Variants in EPB41L4A observed in about 807,000 individuals in gnomAD.
EPB41L4A encodes the protein erythrocyte membrane protein band 4.1 like 4A.
EPB41L4A carries 100 observed loss-of-function variants against 108.6 expected under a neutral mutation model. The ratio of observed to expected loss-of-function variants is 0.92; its 90% confidence interval spans 0.78 to 1.09. The LOEUF is 1.09. Among genes scored for constraint, EPB41L4A ranks in the 50% least tolerant of loss-of-function variants. The pLI, the probability that EPB41L4A is intolerant of heterozygous loss-of-function variation, is 0.00. For missense variants in EPB41L4A, 1,030 were observed against 842.7 expected, an observed-to-expected ratio of 1.22 and a Z score of -2.75; for synonymous variants, 319 against 289.0, an observed-to-expected ratio of 1.10 and a Z score of -1.05.
chr5:112,333,609 T>C (rs1756721959), intron 1 of EPB41L4A, among the ~76,000 whole-genome samples: 1 of 152,198 alleles, frequency 6.6e-6, no homozygotes, highest in South Asian at 2.1e-4. Context: ...TCTCTGGTCC[T>C]GTTTTCTCCC....
intron 15 of EPB41L4A, chr5:112,196,713 A>C (rs141171115): frequency 2.0e-5 from 3 of 152,370 alleles, no homozygotes; most frequent in East Asian, 3.9e-4. Flanking sequence ...GATCAGTCCT[A>C]AACAGCTGGC....
intron 1 of EPB41L4A, among the ~76,000 whole-genome samples, chr5:112,344,367 CA>C (rs984504687): frequency 2.4e-4 from 36 of 152,108 alleles, no homozygotes; most frequent in Non-Finnish European, 3.2e-4. Flanking sequence ...CATTAATTTA[CA>C]ATGACCAGGA....
At chr5:112,222,824 G>C (rs1382565171) in intron 12 of EPB41L4A, among the ~76,000 whole-genome samples, 3 of 152,128 alleles carry the variant, frequency 2.0e-5, no homozygotes, top group African/African-American at 7.2e-5. Flanking sequence ...GAAGAGAGGA[G>C]CAAGTCCACT....
chr5:112,310,993 C>T lies in EPB41L4A; in HGVS notation c.100-3503G>A, dbSNP rs542670425. Among the ~76,000 whole-genome samples the T allele has an allele frequency of 2.5e-4, 38 of 152,252 alleles. 1 individual carries two copies. In the South Asian group the frequency reaches 3.9e-3, roughly 16 times the overall value. ...TGACAAGCAGTAGAAATGACTGATT[C>T]CTGAGTCAGATTTTCCAGCATTCTT... On this transcript the variant is annotated intron_variant, in intron 1 of 22. Coordinates refer to ENST00000261486, the MANE Select transcript of EPB41L4A (RefSeq NM_022140.5).
chr5:112,373,990 A>G (rs1759652295), intron 1 of EPB41L4A, among the ~76,000 whole-genome samples: 1 of 152,266 alleles, frequency 6.6e-6, no homozygotes, highest in Non-Finnish European at 1.5e-5. Flanking sequence ...GTGGTAAAAG[A>G]GAGCAACTCA....
At chr5:112,319,534 C>T (rs570938578) in intron 1 of EPB41L4A, among the ~76,000 whole-genome samples, 1 of 152,160 alleles carries the variant, frequency 6.6e-6, no homozygotes, top group South Asian at 2.1e-4. Flanking sequence ...GATGAACCAA[C>T]AACAGCAAAA....
At chr5:112,217,811 C>T (rs11952407) in intron 12 of EPB41L4A, among the ~76,000 whole-genome samples, 6,143 of 152,054 alleles carry the variant, frequency 0.04, 427 homozygotes, top group African/African-American at 0.14. Context: ...ACTGCAAGAT[C>T]AAAGAAGGCA....
intron 1 of EPB41L4A, among the ~76,000 whole-genome samples, chr5:112,389,662 T>C (rs904854573): frequency 4.3e-4 from 66 of 152,356 alleles, no homozygotes; most frequent in African/African-American, 1.4e-3. Context: ...TAGCTTTTTT[T>C]CCCGTCTATA....
chr5:112,349,661 T>C (rs1757913302), intron 1 of EPB41L4A, among the ~76,000 whole-genome samples: 1 of 152,186 alleles, frequency 6.6e-6, no homozygotes, highest in African/African-American at 2.4e-5. Context: ...TGGATTCACA[T>C]TCAGCACAAG....
intron 2 of EPB41L4A, among the ~76,000 whole-genome samples, chr5:112,297,610 T>G: frequency 6.6e-6 from 1 of 152,200 alleles, no homozygotes; most frequent in East Asian, 1.9e-4. Flanking sequence ...ACTGTTCCTT[T>G]TGCTATGCAA....
chr5:112,186,387 T>C (rs1761428529), intron 17 of EPB41L4A, among the ~76,000 whole-genome samples: 1 of 152,216 alleles, frequency 6.6e-6, no homozygotes, highest in African/African-American at 2.4e-5. Flanking sequence ...TTCACTCTGA[T>C]GATAAAAAAT....
At chr5:112,390,889 T>C (rs191217688) in intron 1 of EPB41L4A, among the ~76,000 whole-genome samples, 60 of 152,304 alleles carry the variant, frequency 3.9e-4, no homozygotes, top group Admixed American at 5.2e-4. Flanking sequence ...TCTGCAATAT[T>C]TGCTGTTCTG....
intron 1 of EPB41L4A, among the ~76,000 whole-genome samples, chr5:112,381,080 G>A (rs1426293553): frequency 6.6e-6 from 1 of 152,116 alleles, no homozygotes; most frequent in African/African-American, 2.4e-5. Flanking sequence ...GAGAGCGTGA[G>A]GCGGCTATGA....
At chr5:112,212,305 T>TTC (rs1561480006) in intron 12 of EPB41L4A, among the ~76,000 whole-genome samples, 8 of 149,232 alleles carry the variant, frequency 5.4e-5, no homozygotes, top group Non-Finnish European at 8.9e-5. Flanking sequence ...TTTTTTTTTT[T>TTC]CTCCTGAGAC....
chr5:112,211,400 G>T (rs945592403), intron 12 of EPB41L4A, among the ~76,000 whole-genome samples: 1 of 152,162 alleles, frequency 6.6e-6, no homozygotes, highest in South Asian at 2.1e-4. Flanking sequence ...TGGCCAACAA[G>T]GCAAAACCCC....
At chr5:112,208,669 T>C (rs1452322437) in intron 13 of EPB41L4A, among the ~76,000 whole-genome samples, 3 of 152,152 alleles carry the variant, frequency 2.0e-5, no homozygotes, top group African/African-American at 7.2e-5. Flanking sequence ...ACCTCAGTGA[T>C]AAACAATTTA....
chr5:112,166,823 T>C (rs1230833417), intron 22 of EPB41L4A, among the ~76,000 whole-genome samples: 1 of 152,250 alleles, frequency 6.6e-6, no homozygotes, highest in Non-Finnish European at 1.5e-5. Context: ...AAACCATTAC[T>C]GGCTTCTGGG....
intron 13 of EPB41L4A, among the ~76,000 whole-genome samples, chr5:112,209,521 T>G (rs1171407071): frequency 6.6e-6 from 1 of 152,222 alleles, no homozygotes; most frequent in African/African-American, 2.4e-5. Context: ...ACCACTATAA[T>G]GAACACAGTA....
chr5:112,382,561 G>A (rs1760241768), intron 1 of EPB41L4A, among the ~76,000 whole-genome samples: 1 of 152,148 alleles, frequency 6.6e-6, no homozygotes, highest in Non-Finnish European at 1.5e-5. Flanking sequence ...GGTGTTAACT[G>A]TTTCATCAGT....
Sources: allele counts gnomAD v4.1 joint callset (sites outside exome capture counted in the v4.1 genomes callset), GRCh38; gene constraint gnomAD v4.1.1; transcripts MANE v1.5; gene names NCBI Gene and HGNC (gene_info 2026-07-23, HGNC 2026-07-21).